The following TSC2 variants were observed in gnomAD, a reference collection of about 807,000 sequenced individuals.
TSC2 encodes TSC complex subunit 2.
A neutral mutation model predicts 202.2 loss-of-function variants in TSC2; 29 were observed. The observed-to-expected ratio is 0.14, with a 90% CI of 0.11 to 0.20. TSC2 has a LOEUF of 0.20. Ranked by LOEUF, TSC2 falls within the 10% of genes least tolerant of loss-of-function variation. TSC2 has a pLI of 1.00. For missense variants in TSC2, 2,429 were observed against 2,420.0 expected (o/e 1.00, Z -0.08); for synonymous variants, 1,349 against 1,044.0 (o/e 1.29, Z -5.63).
rs587778006 is a variant in TSC2 at position 2,053,552 on chromosome 16, TG to T, written c.336+103del. 4.9e-6 allele frequency: 6 copies of T among 1,227,152 alleles called. No homozygotes were observed. The Admixed American group carries it at 1.2e-4, about 24-fold the overall frequency. 76.0% of individuals were successfully genotyped at this position (1,227,152 alleles called of 1,614,324 possible). ...TTGGACTCCTGCCTCGGTGAGTTGC[TG>T]GGCACAGGGTCTAGGGGCTGATGGG... On this transcript the variant is annotated intron_variant, in intron 4 of 41. Coordinates refer to ENST00000219476, the MANE Select transcript of TSC2 (RefSeq NM_000548.5).
chr16:2,079,464 C>G lies in TSC2; in HGVS notation c.3284+36C>G. The G allele has an allele frequency of 6.2e-7, 1 of 1,612,380 alleles. No homozygotes were observed. Among genetic ancestry groups the G allele is most frequent in the Non-Finnish European group, 8.5e-7 (1 of 1,179,788 alleles). On this transcript the variant is annotated intron_variant, in intron 28 of 41. Coordinates refer to ENST00000219476, the MANE Select transcript of TSC2 (RefSeq NM_000548.5). The surrounding 1 kb of genome is among the most constrained non-coding windows in gnomAD (Gnocchi z 4.6). The stretch of plus-strand genomic sequence containing the variant: ...CTTCCTTTCCTCCGCGCCTGCCAGC[C>G]TCGACACCGGCTGTCCCGAGCCCAG...
At chr16:2,058,985 G>C in intron 10 of TSC2, 112 bp downstream of exon 10, 1 of 1,513,202 alleles carries the variant, frequency 6.6e-7, no homozygotes, top group Non-Finnish European at 8.9e-7. Context: ...GCATTTCTAG[G>C]CCTTTCCAGG....
intron 33 of TSC2, among the ~76,000 whole-genome samples, 156 bp downstream of exon 33, chr16:2,083,972 A>G (rs2090451612): frequency 6.6e-6 from 1 of 152,192 alleles, no homozygotes; most frequent in Admixed American, 6.5e-5. Context: ...TGCACTTTGC[A>G]GCCATCCACC....
At position 2,065,578 on chromosome 16, in the gene TSC2, C is replaced by T. The variant is rs1358358656; in HGVS notation, c.1659C>T (p.Tyr553=). ...PELEERDVAA[Y]SASLEDVKTA... The stretch of plus-strand genomic sequence containing the variant: ...TGGAAGAAAGGGATGTGGCCGCATA[C>T]TCGGCCTCCTTGGAGGATGTGAAGA... The change falls in exon 16 of 42, where the codon TAC becomes TAT. Residue 553 remains tyrosine, a synonymous_variant. Transcript: ENST00000219476. 3 of 1,613,804 alleles carry T rather than the reference C, an allele frequency of 1.9e-6. No individual in the cohort carries two copies. Among genetic ancestry groups the T allele is most frequent in the Non-Finnish European group, 2.5e-6 (3 of 1,180,038 alleles).
At chr16:2,062,187 G>A (rs753323776) in intron 12 of TSC2, among the ~76,000 whole-genome samples, 179 bp downstream of exon 12, 1 of 152,216 alleles carries the variant, frequency 6.6e-6, no homozygotes, top group East Asian at 1.9e-4. Flanking sequence ...TAACAAGCTC[G>A]GGGCTAGCCC....
chr16:2,057,682 G>A (rs1345799896), intron 9 of TSC2, among the ~76,000 whole-genome samples: 4 of 152,264 alleles, frequency 2.6e-5, no homozygotes, highest in South Asian at 2.1e-4. Flanking sequence ...CAGATATGTC[G>A]GTGTCACCCT....
rs774517903 is a variant in TSC2 at position 2,071,853 on chromosome 16, G to A, written c.2016G>A (p.Pro672=). The A allele has an allele frequency of 7.0e-6, 11 of 1,565,368 alleles. No homozygotes were observed. The highest frequency in any genetic ancestry group is 2.7e-5 in the African/African-American group (2 of 73,748). The change falls in exon 19 of 42, where the codon CCG becomes CCA. Residue 672 remains proline (P), a synonymous_variant. Transcript: ENST00000219476. ...CTCCTCCCACAGGGCCTCCTGGCCCGGCGCCTGCAGGCCCCGCCGTGCGGC... is the reference window on the plus strand; with the variant it reads ...CTCCTCCCACAGGGCCTCCTGGCCCAGCGCCTGCAGGCCCCGCCGTGCGGC... ...PLSPPTGPPG[P]APAGPAVRLG...
At chr16:2,069,888 C>T (rs370778838) in intron 16 of TSC2, among the ~76,000 whole-genome samples, 1 of 152,232 alleles carries the variant, frequency 6.6e-6, no homozygotes, top group African/African-American at 2.4e-5. Context: ...GCTGGGATTA[C>T]AGGCGTGAGC....
rs148384560 is a variant in TSC2, at chr16:2,083,086, C to G, written c.3883+582C>G. On this transcript the variant is annotated intron_variant, in intron 32 of 41. Transcript: ENST00000219476. ...GTGGGACGGGCCCTGGGGTGGCTGA[C>G]TGCGCGTGTGCAGGGCTGTGGGGCG... The G allele has an allele frequency of 3.3e-3, 1,518 of 455,052 alleles. 11 individuals carry two copies. Among genetic ancestry groups the G allele is most frequent in the Middle Eastern group, 6.5e-3 (10 of 1,538 alleles). 28.2% of individuals were successfully genotyped at this position (455,052 alleles called of 1,614,324 possible). A position where few individuals can be genotyped will look rare whatever the true frequency, so the allele number is the denominator to read the frequency against.
intron 10 of TSC2, among the ~76,000 whole-genome samples, chr16:2,059,566 C>T (rs2086373935): frequency 7.3e-6 from 1 of 137,222 alleles, no homozygotes; most frequent in African/African-American, 2.7e-5. Flanking sequence ...ATTGCCCAGG[C>T]TGGAGTGCAA....
intron 35 of TSC2, 68 bp downstream of exon 35, chr16:2,085,094 G>A: frequency 6.2e-7 from 1 of 1,606,904 alleles, no homozygotes; most frequent in Non-Finnish European, 8.5e-7. Flanking sequence ...GGGGGGCCCA[G>A]CTCTGCTGCT....
chr16:2,068,905 C>T (rs773723079), intron 16 of TSC2: 4 of 147,362 alleles, frequency 2.7e-5, no homozygotes, highest in African/African-American at 5.1e-5. Context: ...CATAAGGAAG[C>T]GAAAATACAT....
chr16:2,066,524 C>T (rs900294885), intron 16 of TSC2: 3 of 152,134 alleles, frequency 2.0e-5, no homozygotes, highest in African/African-American at 7.2e-5. Flanking sequence ...GGGTCTGCAC[C>T]TAGGAGTGAA....
rs3087631 is a variant in TSC2, at chr16:2,089,126, A to T, written c.*516A>T. ...TGCCCCCAGCACCGGCCCAAGGCCA[A>T]GCTCGCATCCAAGCAGCAGCCGGGC... On this transcript the variant is annotated 3_prime_UTR_variant, in exon 42 of 42. Coordinates refer to ENST00000219476, the MANE Select transcript of TSC2 (RefSeq NM_000548.5). 0.28 allele frequency: 46,878 copies of T among 169,558 alleles called. 9,495 individuals carry two copies. Among genetic ancestry groups the T allele is most frequent in the African/African-American group, 0.59 (24,515 of 41,782 alleles). 10.5% of individuals were successfully genotyped at this position (169,558 alleles called of 1,614,324 possible).
chr16:2,049,344 C>T (rs2084792428), intron 2 of TSC2, among the ~76,000 whole-genome samples: 1 of 151,876 alleles, frequency 6.6e-6, no homozygotes, highest in South Asian at 2.1e-4. Context: ...CTTTGGCCTC[C>T]CAAAGTGCTG....
intron 25 of TSC2, chr16:2,077,279 C>G: frequency 2.5e-6 from 1 of 396,090 alleles, no homozygotes; most frequent in Non-Finnish European, 4.8e-6. Flanking sequence ...GATTGCCTGG[C>G]CAGCACAGCC....
chr16:2,064,771 T>C lies in TSC2; in HGVS notation c.1599+344T>C, dbSNP rs148312405. The C allele has an allele frequency of 4.7e-4, 193 of 410,492 alleles. No individual in the cohort carries two copies. The East Asian group carries it at 8.4e-3, about 18-fold the overall frequency. 25.4% of individuals were successfully genotyped at this position (410,492 alleles called of 1,614,324 possible). A position where few individuals can be genotyped will look rare whatever the true frequency, so the allele number is the denominator to read the frequency against. On this transcript the variant is annotated intron_variant, in intron 15 of 41. Coordinates refer to ENST00000219476, the MANE Select transcript of TSC2 (RefSeq NM_000548.5). ...TGCTCTTTGATTTTCAGATGCATTT[T>C]GGTTTCTGCACAGTCACTCGGGTAT...
intron 31 of TSC2, chr16:2,082,053 G>A: frequency 1.6e-6 from 1 of 621,020 alleles, no homozygotes. Context: ...CATCCTCCGT[G>A]GGGAGTCCAG....
In TSC2 at chr16:2,080,322, C is replaced by T. The variant is rs745762286; in HGVS notation, c.3555C>T (p.Ala1185=). ...VPVQEKTNLA[A]YVPLLTQGWA... ...TGCAGGAGAAGACGAACCTGGCGGC[C>T]TATGTGCCCCTGCTGACCCAGGGCT... Residue 1185 remains alanine (A), a synonymous_variant, in exon 30 of 42, where the codon GCC becomes GCT. Transcript: ENST00000219476. 4.0e-5 allele frequency: 64 copies of T among 1,612,648 alleles called. No individual in the cohort carries two copies. The highest frequency in any genetic ancestry group is 5.2e-5 in the Non-Finnish European group (61 of 1,180,016).
Sources: gnomAD v4.1 joint callset for allele counts (sites outside exome capture counted in the v4.1 genomes callset) on GRCh38, gnomAD v4.1.1 for gene constraint, Gnocchi (gnomAD v3.1) non-coding constraint, MANE v1.5 for transcripts, NCBI Gene and HGNC (gene_info 2026-07-23, HGNC 2026-07-21) for gene names.